Variants in PILRA observed in about 807,000 individuals in gnomAD.
PILRA encodes the protein paired immunoglobulin-like type 2 receptor alpha.
PILRA carries 37 observed loss-of-function variants against 33.1 expected under a neutral mutation model. The ratio of observed to expected loss-of-function variants is 1.12; its 90% CI spans 0.86 to 1.47. The LOEUF (loss-of-function observed/expected upper bound fraction) is 1.47, where lower values mean the gene tolerates loss of function less well. Ranked by LOEUF, PILRA falls within the 40% of genes most tolerant of loss-of-function variation. The pLI is 0.00. For synonymous variants in PILRA, 146 were observed against 149.9 expected (o/e 0.97, Z 0.19); for missense variants, 312 against 376.2 (o/e 0.83, Z 1.41).
In PILRA at chr7:100,400,091, T is replaced by A; in HGVS notation, c.*184T>A. 1 of 482,584 alleles carries A rather than the reference T, an allele frequency of 2.1e-6. No individual in the cohort carries two copies. The highest frequency in any genetic ancestry group is 3.5e-6 in the Non-Finnish European group (1 of 287,476). 29.9% of individuals were successfully genotyped at this position (482,584 alleles called of 1,614,324 possible). A position where few individuals can be genotyped will look rare whatever the true frequency, so the allele number is the denominator to read the frequency against. ...TATATTAACAATAAAGTAACAAATT[T>A]AAAAAGATTGTCTTCAAAACTATTT... is the stretch of plus-strand genomic sequence containing the variant. On this transcript the variant is annotated 3_prime_UTR_variant, in exon 7 of 7. Coordinates refer to ENST00000198536, the MANE Select transcript of PILRA (RefSeq NM_013439.3).
At chr7:100,389,805 C>G in intron 2 of PILRA, 83 bp from the exon 3 acceptor site, 3 of 1,166,694 alleles carry the variant, frequency 2.6e-6, no homozygotes, top group Non-Finnish European at 2.6e-6. Context: ...TGTCCCCCAA[C>G]CTAGAAAGCA....
chr7:100,371,361 CTA>C (rs1790808037), upstream of PILRA, among the ~76,000 whole-genome samples: 2 of 152,254 alleles, frequency 1.3e-5, no homozygotes, highest in South Asian at 4.1e-4. Context: ...GGCCTTTTGG[CTA>C]TTCTAGGTCC....
chr7:100,391,378 A>G (rs891309672), intron 3 of PILRA, among the ~76,000 whole-genome samples: 3 of 151,882 alleles, frequency 2.0e-5, no homozygotes, highest in African/African-American at 7.3e-5. Context: ...TAATTTAAAA[A>G]AAATTTTTTA....
chr7:100,374,165 C>T lies in PILRA; in HGVS notation c.186C>T (p.Ala62=). ...PFSFYYPWEL[A]TAPDVRISWR... is the part of the protein sequence containing the mutation. ...CCTTCTATTACCCCTGGGAGTTAGC[C>T]ACAGCTCCCGACGTGAGAATATCCT... The change falls in exon 2 of 7, where the codon GCC becomes GCT. Residue 62 remains alanine (A), a synonymous_variant. Transcript: ENST00000198536. 1 of 1,614,112 alleles carries T rather than the reference C, an allele frequency of 6.2e-7. No homozygotes were observed. The highest frequency in any genetic ancestry group is 8.5e-7 in the Non-Finnish European group (1 of 1,180,020).
intron 3 of PILRA, among the ~76,000 whole-genome samples, chr7:100,391,081 G>A (rs1365760251): frequency 6.6e-6 from 1 of 151,598 alleles, no homozygotes; most frequent in Admixed American, 6.6e-5. Context: ...CTGGGAGGCT[G>A]AGGCAAGAGG....
Position 100,373,980 on chromosome 7 carries a change from C to T in PILRA, c.65-64C>T, listed in dbSNP as rs906427917. 1.9e-6 allele frequency: 3 copies of T among 1,571,638 alleles called. No homozygotes were observed. The African/African-American group carries it at 4.0e-5, about 21-fold the overall frequency. ...GTGAAGGTGCGGGAGGGTCTGGGGT[C>T]ACCCTCTTTGTGTCTTGAGGTGGTT... On this transcript the variant is annotated intron_variant, in intron 1 of 6. Transcript: ENST00000198536.
intron 2 of PILRA, among the ~76,000 whole-genome samples, chr7:100,380,485 A>G (rs1051511363): frequency 6.6e-6 from 1 of 152,182 alleles, no homozygotes; most frequent in Non-Finnish European, 1.5e-5. Flanking sequence ...TTTAAGATAC[A>G]ATAGCAAAAA....
chr7:100,385,779 G>GCCA (rs1470070219), intron 2 of PILRA, among the ~76,000 whole-genome samples: 2 of 151,918 alleles, frequency 1.3e-5, no homozygotes, highest in Non-Finnish European at 2.9e-5. Context: ...ATAGCCATGT[G>GCCA]CCACCGCACC....
At chr7:100,398,962 G>C (rs1204903524) in intron 4 of PILRA, among the ~76,000 whole-genome samples, 1 of 151,182 alleles carries the variant, frequency 6.6e-6, no homozygotes, top group Non-Finnish European at 1.5e-5. Context: ...TAATTTTTGA[G>C]AGAGGGTATC....
chr7:100,393,346 C>T (rs774357762), intron 3 of PILRA, among the ~76,000 whole-genome samples: 1 of 150,926 alleles, frequency 6.6e-6, no homozygotes, highest in Non-Finnish European at 1.5e-5. Context: ...GAACAAAAAC[C>T]ACAGCACTTT....
chr7:100,375,656 G>C (rs1270487048), intron 2 of PILRA, among the ~76,000 whole-genome samples: 1 of 152,122 alleles, frequency 6.6e-6, no homozygotes, highest in Non-Finnish European at 1.5e-5. Flanking sequence ...CACTTGAACC[G>C]GGGAGGTGGA....
At chr7:100,377,609 A>AGTG (rs1209071697) in intron 2 of PILRA, among the ~76,000 whole-genome samples, 2 of 152,282 alleles carry the variant, frequency 1.3e-5, no homozygotes, top group African/African-American at 4.8e-5. Flanking sequence ...GGCCAGACAC[A>AGTG]GTGGCTCATG....
In PILRA at chr7:100,377,231, C is replaced by CTT. The variant is rs761225046; in HGVS notation, c.454+2824_454+2825dup. 3.6e-4 allele frequency among the ~76,000 whole-genome samples: 36 copies of CTT among 100,942 alleles called. 1 individual carries two copies. The highest frequency in any genetic ancestry group is 5.4e-4 in the Admixed American group (5 of 9,208). 66.2% of individuals were successfully genotyped at this position (100,942 alleles called of 152,430 possible). ...GTTCTTCTTTGTCACTTTTCTATTT[C>CTT]TTTTTTTTTTTTTTTTTTTTTTTTT... On this transcript the variant is annotated intron_variant, in intron 2 of 6. Transcript: ENST00000198536.
rs2130149784 is a variant in PILRA at position 100,373,632 on chromosome 7, C to G, written c.-25C>G. 1.2e-6 allele frequency: 2 copies of G among 1,613,336 alleles called. No individual in the cohort carries two copies. The highest frequency in any genetic ancestry group is 4.5e-5 in the East Asian group (2 of 44,878). ...TGCCTGGACGGCTCTGCTGGTCTCC[C>G]CGTCCCCTGGAGAAGAACAAGGCCA... On this transcript the variant is annotated 5_prime_UTR_variant, in exon 1 of 7. Coordinates refer to ENST00000198536, the MANE Select transcript of PILRA (RefSeq NM_013439.3).
At chr7:100,388,975 T>C (rs1166983626) in intron 2 of PILRA, among the ~76,000 whole-genome samples, 1 of 152,158 alleles carries the variant, frequency 6.6e-6, no homozygotes, top group Non-Finnish European at 1.5e-5. Flanking sequence ...GATAGTACTC[T>C]TAATGGTATA....
At chr7:100,398,699 T>C (rs1418071327) in intron 4 of PILRA, among the ~76,000 whole-genome samples, 2 of 152,148 alleles carry the variant, frequency 1.3e-5, no homozygotes, top group Non-Finnish European at 2.9e-5. Context: ...AAAGCAAGGA[T>C]TGACCTTTTT....
chr7:100,384,271 A>T (rs948399902), intron 2 of PILRA, among the ~76,000 whole-genome samples: 9 of 151,852 alleles, frequency 5.9e-5, no homozygotes, highest in African/African-American at 2.2e-4. Context: ...TGTTTTGGAC[A>T]TCTTACGTTT....
chr7:100,399,459 T>C (rs1044630386), intron 5 of PILRA, 119 bp downstream of exon 5: 17 of 1,391,206 alleles, frequency 1.2e-5, no homozygotes, highest in Non-Finnish European at 1.7e-5. Flanking sequence ...TCCTTGCCCC[T>C]TGCCCTCACG....
intron 3 of PILRA, among the ~76,000 whole-genome samples, chr7:100,390,332 T>C (rs1791363170): frequency 6.6e-6 from 1 of 151,766 alleles, no homozygotes; most frequent in African/African-American, 2.4e-5. Flanking sequence ...ACACAGCCGA[T>C]CCCCCCCTAG....
Sources: gnomAD v4.1 joint callset for allele counts (sites outside exome capture counted in the v4.1 genomes callset) on GRCh38, gnomAD v4.1.1 for gene constraint, MANE v1.5 for transcripts, NCBI Gene and HGNC (gene_info 2026-07-23, HGNC 2026-07-21) for gene names.